Variants in SAMD5 observed in about 807,000 individuals in gnomAD.
SAMD5 encodes the protein sterile alpha motif domain-containing protein 5.
Under a neutral mutation model 11.3 loss-of-function variants are expected in SAMD5, and 13 were observed. The ratio of observed to expected loss-of-function variants is 1.15; its 90% confidence interval spans 0.75 to 1.83. The LOEUF is 1.83. Among genes scored for constraint, SAMD5 ranks in the 40% most tolerant of loss-of-function variants. SAMD5 has a pLI of 0.00. For missense variants in SAMD5, 255 were observed against 239.1 expected (o/e 1.07, Z -0.44); for synonymous variants, 129 against 111.3 (o/e 1.16, Z -1.00).
At chr6:147,740,415 C>T (rs1187004565), downstream of SAMD5, among the ~76,000 whole-genome samples, 1 of 152,198 alleles carries the variant, frequency 6.6e-6, no homozygotes, top group African/African-American at 2.4e-5. Context: ...TTGAATTGAT[C>T]TCCCACTACA....
At chr6:147,639,953 G>T (rs1790285444) in intron 1 of SAMD5, among the ~76,000 whole-genome samples, 1 of 152,068 alleles carries the variant, frequency 6.6e-6, no homozygotes, top group African/African-American at 2.4e-5. Flanking sequence ...TATTTTTAAA[G>T]GTAGAGATGG....
the SAMD5 span, among the ~76,000 whole-genome samples, chr6:147,754,913 G>C: frequency 9.9e-5 from 15 of 152,060 alleles, no homozygotes; most frequent in African/African-American, 3.4e-4. Context: ...CTGTTCCATT[G>C]GTCTATGTGT....
At chr6:147,627,882 ACTT>A (rs1790083228) in intron 1 of SAMD5, among the ~76,000 whole-genome samples, 1 of 152,180 alleles carries the variant, frequency 6.6e-6, no homozygotes, top group Non-Finnish European at 1.5e-5. Flanking sequence ...TGGATGTTTT[ACTT>A]CTTCTTTGAA....
intron 1 of SAMD5, among the ~76,000 whole-genome samples, chr6:147,717,040 A>C (rs1320586042): frequency 6.6e-6 from 1 of 152,184 alleles, no homozygotes; most frequent in African/African-American, 2.4e-5. Flanking sequence ...TCCTTTGTCT[A>C]AAACCTCCAG....
At chr6:147,659,004 G>A (rs1182637034) in intron 1 of SAMD5, among the ~76,000 whole-genome samples, 1 of 152,150 alleles carries the variant, frequency 6.6e-6, no homozygotes, top group Admixed American at 6.5e-5. Flanking sequence ...GAGATTAAGG[G>A]AATTTAATAC....
chr6:147,898,963 G>A, the SAMD5 span, among the ~76,000 whole-genome samples: 4 of 151,724 alleles, frequency 2.6e-5, no homozygotes, highest in African/African-American at 9.7e-5. Context: ...GGCAGATCAC[G>A]AGGTCAGGAC....
chr6:147,753,678 G>A, the SAMD5 span, among the ~76,000 whole-genome samples: 26 of 151,914 alleles, frequency 1.7e-4, no homozygotes, highest in South Asian at 2.3e-3. Context: ...TTTGGTACCC[G>A]TGAACCATCC....
chr6:147,660,311 G>A (rs1433641109), intron 1 of SAMD5, among the ~76,000 whole-genome samples: 2 of 152,294 alleles, frequency 1.3e-5, no homozygotes, highest in Non-Finnish European at 2.9e-5. Context: ...GTAATGGCTT[G>A]TATTGAACCT....
intron 1 of SAMD5, among the ~76,000 whole-genome samples, chr6:147,534,325 C>T (rs765727896): frequency 6.6e-6 from 1 of 152,172 alleles, no homozygotes; most frequent in Non-Finnish European, 1.5e-5. Flanking sequence ...GAAGCAAAAT[C>T]TCATGTGAAA....
At chr6:147,909,632 C>CCTTCCTTCCT in the SAMD5 span, among the ~76,000 whole-genome samples, 10 of 61,154 alleles carry the variant, frequency 1.6e-4, no homozygotes, top group African/African-American at 1.0e-3. Flanking sequence ...TTCTTTCTTT[C>CCTTCCTTCCT]TCTTTCTTGT....
chr6:147,520,855 C>T (rs370216334), intron 1 of SAMD5, among the ~76,000 whole-genome samples: 4 of 152,188 alleles, frequency 2.6e-5, no homozygotes, highest in South Asian at 2.1e-4. Flanking sequence ...CACATACTTA[C>T]GTTTTAATGA....
the SAMD5 span, among the ~76,000 whole-genome samples, chr6:147,937,479 T>C: frequency 6.6e-6 from 1 of 152,202 alleles, no homozygotes; most frequent in African/African-American, 2.4e-5. Flanking sequence ...AGAATCCTCC[T>C]AGGCTGAGGA....
At chr6:147,811,929 G>T in the SAMD5 span, among the ~76,000 whole-genome samples, 1 of 152,118 alleles carries the variant, frequency 6.6e-6, no homozygotes, top group Non-Finnish European at 1.5e-5. Context: ...AAATCCAAAA[G>T]GTGTTTAGGT....
intron 1 of SAMD5, among the ~76,000 whole-genome samples, chr6:147,672,850 T>C (rs1284587312): frequency 1.3e-5 from 2 of 152,182 alleles, no homozygotes; most frequent in African/African-American, 4.8e-5. Flanking sequence ...AATAATACAT[T>C]TCACAATTTA....
chr6:147,557,162 T>G (rs988048942), intron 1 of SAMD5, among the ~76,000 whole-genome samples: 1 of 152,264 alleles, frequency 6.6e-6, no homozygotes, highest in African/African-American at 2.4e-5. Context: ...TCAAACTTTT[T>G]CATTATGACA....
At chr6:147,854,698 T>C in the SAMD5 span, among the ~76,000 whole-genome samples, 20 of 151,758 alleles carry the variant, frequency 1.3e-4, no homozygotes, top group South Asian at 3.9e-3. Context: ...ACCAACCTAA[T>C]AATATTCTTG....
chr6:147,795,098 G>A, the SAMD5 span, among the ~76,000 whole-genome samples: 1 of 150,062 alleles, frequency 6.7e-6, no homozygotes, highest in Non-Finnish European at 1.5e-5. Flanking sequence ...AAGTTTTAGG[G>A]TACATGTGCA....
the SAMD5 span, among the ~76,000 whole-genome samples, chr6:147,926,819 G>A: frequency 1.3e-5 from 2 of 152,270 alleles, no homozygotes; most frequent in South Asian, 4.1e-4. Context: ...TTACATTTAA[G>A]TCTTTAATCC....
intron 1 of SAMD5, among the ~76,000 whole-genome samples, chr6:147,618,261 G>A (rs1192551042): frequency 1.3e-5 from 2 of 152,206 alleles, no homozygotes; most frequent in South Asian, 2.1e-4. Flanking sequence ...CGGCATTAAC[G>A]TGTAGGTTTG....
Sources: gnomAD v4.1 joint callset for allele counts (sites outside exome capture counted in the v4.1 genomes callset) on GRCh38, gnomAD v4.1.1 for gene constraint, MANE v1.5 for transcripts, NCBI Gene and HGNC (gene_info 2026-07-23, HGNC 2026-07-21) for gene names.